Variants in RBFOX1 observed in about 807,000 individuals in gnomAD.
The protein encoded by RBFOX1 is RNA binding protein fox-1 homolog 1.
Under a neutral mutation model 57.7 loss-of-function variants are expected in RBFOX1, and 8 were observed. The observed-to-expected ratio is 0.14, with a 90% CI of 0.08 to 0.25. The LOEUF (loss-of-function observed/expected upper bound fraction) is 0.25, where lower values mean the gene tolerates loss of function less well. Among genes scored for constraint, RBFOX1 ranks in the 10% least tolerant of loss-of-function variants. The pLI, the probability that RBFOX1 is intolerant of heterozygous loss-of-function variation, is 1.00. For synonymous variants in RBFOX1, 326 were observed against 222.4 expected, an observed-to-expected ratio of 1.47 and a Z score of -4.15; for missense variants, 611 against 548.5, an observed-to-expected ratio of 1.11 and a Z score of -1.14.
chr16:5,599,050 G>T (rs1400445978), exon 3 of RBFOX1: 13 of 1,208,408 alleles, frequency 1.1e-5, no homozygotes, highest in East Asian at 5.1e-5. Flanking sequence ...ATCAATCACC[G>T]GGAATGGTTT....
chr16:6,620,834 C>A (rs1020378043), intron 2 of RBFOX1, among the ~76,000 whole-genome samples: 1 of 152,182 alleles, frequency 6.6e-6, no homozygotes, highest in East Asian at 1.9e-4. Flanking sequence ...CAAGCACGTT[C>A]TCATATTGTC....
intron 4 of RBFOX1, chr16:7,431,085 C>A (rs1267816801): frequency 6.6e-6 from 1 of 152,184 alleles, no homozygotes; most frequent in Non-Finnish European, 1.5e-5. Flanking sequence ...CCAGCTTTTC[C>A]ATAACAACAA....
intron 4 of RBFOX1, among the ~76,000 whole-genome samples, chr16:7,299,390 G>T (rs192085377): frequency 3.3e-5 from 5 of 152,148 alleles, no homozygotes; most frequent in Admixed American, 3.3e-4. Flanking sequence ...TGGAAGCGTG[G>T]TTTATTTTTA....
chr16:6,805,713 A>G (rs953402356), intron 3 of RBFOX1, among the ~76,000 whole-genome samples: 8 of 149,852 alleles, frequency 5.3e-5, no homozygotes, highest in Non-Finnish European at 1.2e-4. Context: ...TCCATTCTGC[A>G]TGCCTCACAA....
At chr16:7,173,572 A>T (rs2081117221) in intron 4 of RBFOX1, among the ~76,000 whole-genome samples, 1 of 152,216 alleles carries the variant, frequency 6.6e-6, no homozygotes, top group South Asian at 2.1e-4. Flanking sequence ...TCTCAATTAC[A>T]GTAGTGCATA....
At chr16:6,284,972 T>A (rs1430737238) in intron 1 of RBFOX1, among the ~76,000 whole-genome samples, 1 of 152,052 alleles carries the variant, frequency 6.6e-6, no homozygotes, top group Non-Finnish European at 1.5e-5. Context: ...AACCCCAGGG[T>A]ATCGGGGAAA....
chr16:5,758,944 G>T (rs978290062), intron 3 of RBFOX1, among the ~76,000 whole-genome samples: 2 of 152,082 alleles, frequency 1.3e-5, no homozygotes, highest in Non-Finnish European at 2.9e-5. Flanking sequence ...AATAGTTAGT[G>T]GGTTGTGAGA....
intron 1 of RBFOX1, among the ~76,000 whole-genome samples, chr16:5,368,875 A>G (rs985336018): frequency 1.3e-5 from 2 of 152,192 alleles, no homozygotes; most frequent in Non-Finnish European, 2.9e-5. Flanking sequence ...CTGGCAATGC[A>G]TTCCACTTTT....
chr16:7,380,301 T>G (rs995822559), intron 4 of RBFOX1, among the ~76,000 whole-genome samples: 2 of 152,236 alleles, frequency 1.3e-5, no homozygotes, highest in African/African-American at 4.8e-5. Flanking sequence ...CTCCTTCCCT[T>G]TCTTCCTCCC....
chr16:7,553,355 G>A (rs528678693), intron 5 of RBFOX1, among the ~76,000 whole-genome samples: 9 of 152,084 alleles, frequency 5.9e-5, no homozygotes, highest in Non-Finnish European at 8.8e-5. Flanking sequence ...GTGTTGCTCA[G>A]GCTGGTCTCA....
rs1192211081 is a variant in RBFOX1, at chr16:6,450,791, A to G, written c.-64+133734A>G. On this transcript the variant is annotated intron_variant, in intron 2 of 15. Coordinates refer to ENST00000550418, the MANE Select transcript of RBFOX1 (RefSeq NM_018723.4). ...TGTATATATATATATATATATATAC[A>G]TATATATATGTATATATATATATAT... 8.2e-4 allele frequency among the ~76,000 whole-genome samples: 18 copies of G among 22,068 alleles called. 1 individual carries two copies. Among genetic ancestry groups the G allele is most frequent in the African/African-American group, 5.3e-3 (17 of 3,226 alleles). 14.5% of individuals were successfully genotyped at this position (22,068 alleles called of 152,430 possible).
At position 6,235,770 on chromosome 16, in the gene RBFOX1, C is replaced by T. The variant is rs558076373; in HGVS notation, c.-126-81225C>T. ...AGTAACTCAGGAATGGAAAACCAAA[C>T]GTGGTATGTTCTCACGCATAGTGGG... is the stretch of plus-strand genomic sequence containing the variant. On this transcript the variant is annotated intron_variant, in intron 1 of 15. Transcript: ENST00000550418. Among the ~76,000 whole-genome samples, 18 of 152,066 alleles carry T rather than the reference C, an allele frequency of 1.2e-4. No individual in the cohort carries two copies. In the South Asian group the frequency reaches 1.9e-3, roughly 16 times the overall value.
chr16:5,412,840 G>A (rs2067058407), intron 1 of RBFOX1, among the ~76,000 whole-genome samples: 1 of 152,204 alleles, frequency 6.6e-6, no homozygotes, highest in Non-Finnish European at 1.5e-5. Context: ...CACATTTTTG[G>A]GAAGGATCCA....
At chr16:7,097,652 G>C (rs928848622) in intron 4 of RBFOX1, among the ~76,000 whole-genome samples, 8 of 152,076 alleles carry the variant, frequency 5.3e-5, no homozygotes, top group Non-Finnish European at 7.3e-5. Flanking sequence ...TAAACCCAGG[G>C]CCTCTCTGCA....
At chr16:6,124,103 C>G (rs947053587) in intron 1 of RBFOX1, among the ~76,000 whole-genome samples, 3 of 152,262 alleles carry the variant, frequency 2.0e-5, no homozygotes, top group Non-Finnish European at 1.5e-5. Context: ...CTGGAACTCA[C>G]CCTTCTGGGT....
intron 3 of RBFOX1, among the ~76,000 whole-genome samples, chr16:6,915,323 G>A (rs895030386): frequency 6.6e-6 from 1 of 152,108 alleles, no homozygotes; most frequent in Non-Finnish European, 1.5e-5. Context: ...GGAGCTAACT[G>A]CGGTTCCTTT....
chr16:6,803,506 G>A (rs1050237272), intron 3 of RBFOX1, among the ~76,000 whole-genome samples: 2 of 152,110 alleles, frequency 1.3e-5, no homozygotes, highest in Admixed American at 6.5e-5. Flanking sequence ...TGCAATCTGT[G>A]TATAATCTAG....
chr16:5,698,230 A>C (rs1170024519), intron 3 of RBFOX1, among the ~76,000 whole-genome samples: 1 of 152,156 alleles, frequency 6.6e-6, no homozygotes, highest in Non-Finnish European at 1.5e-5. Context: ...TTTTGTTACT[A>C]AGGTAATACT....
intron 2 of RBFOX1, among the ~76,000 whole-genome samples, chr16:5,544,400 A>G (rs2045097536): frequency 6.6e-6 from 1 of 152,234 alleles, no homozygotes; most frequent in Non-Finnish European, 1.5e-5. Flanking sequence ...CAACATATCA[A>G]AATTTTGTGG....
Sources: gnomAD v4.1 joint callset for allele counts (sites outside exome capture counted in the v4.1 genomes callset) on GRCh38, gnomAD v4.1.1 for gene constraint, MANE v1.5 for transcripts, NCBI Gene and HGNC (gene_info 2026-07-23, HGNC 2026-07-21) for gene names.